The following PRKCB variants were observed in gnomAD, a reference collection of about 807,000 sequenced individuals.
PRKCB encodes protein kinase C beta.
In PRKCB, 13 loss-of-function variants were observed where a neutral mutation model predicts 81.5. The ratio of observed to expected loss-of-function variants is 0.16; its 90% confidence interval spans 0.10 to 0.25. The LOEUF is 0.25. PRKCB is among the 10% of genes least tolerant of loss of function. PRKCB has a pLI of 1.00. For synonymous variants in PRKCB, 335 were observed against 321.4 expected, an observed-to-expected ratio of 1.04 and a Z score of -0.45; for missense variants, 509 against 875.7, an observed-to-expected ratio of 0.58 and a Z score of 5.29.
At chr16:23,938,885 A>T (rs369990765) in intron 2 of PRKCB, among the ~76,000 whole-genome samples, 4 of 152,242 alleles carry the variant, frequency 2.6e-5, no homozygotes, top group Non-Finnish European at 5.9e-5. Context: ...CAAAAAAGAA[A>T]GAAAGAAAGA....
At chr16:23,919,810 C>T (rs1963798595) in intron 2 of PRKCB, among the ~76,000 whole-genome samples, 1 of 152,154 alleles carries the variant, frequency 6.6e-6, no homozygotes, top group Non-Finnish European at 1.5e-5. Context: ...AAGGTTGATC[C>T]ACATTGTTGC....
intron 7 of PRKCB, among the ~76,000 whole-genome samples, chr16:24,106,312 T>A (rs1315929673): frequency 6.6e-6 from 1 of 152,174 alleles, no homozygotes; most frequent in Non-Finnish European, 1.5e-5. Context: ...AGGTGCCCAA[T>A]GTCTGCTAAA....
chr16:24,120,951 C>T (rs777419284), intron 8 of PRKCB, among the ~76,000 whole-genome samples: 3 of 152,148 alleles, frequency 2.0e-5, no homozygotes, highest in South Asian at 2.1e-4. Context: ...ACTCAGCCCA[C>T]GTGCTGGGGG....
intron 2 of PRKCB, among the ~76,000 whole-genome samples, chr16:23,887,063 CTTCT>C (rs1223935063): frequency 6.6e-6 from 1 of 151,898 alleles, no homozygotes; most frequent in Admixed American, 6.6e-5. Context: ...TCTTTCTTTC[CTTCT>C]TTCTTTCTCT....
intron 2 of PRKCB, among the ~76,000 whole-genome samples, chr16:23,901,459 C>T (rs1963471050): frequency 6.6e-6 from 1 of 152,096 alleles, no homozygotes. Context: ...GTGTTTTTAT[C>T]AGCAGGAAAC....
chr16:24,128,531 A>G (rs1966848514), intron 9 of PRKCB, among the ~76,000 whole-genome samples: 1 of 152,242 alleles, frequency 6.6e-6, no homozygotes, highest in East Asian at 1.9e-4. Flanking sequence ...AAATCTTTCA[A>G]AAGAAGAAAA....
chr16:24,063,452 G>C (rs1193828995), intron 5 of PRKCB, among the ~76,000 whole-genome samples: 1 of 151,954 alleles, frequency 6.6e-6, no homozygotes, highest in Non-Finnish European at 1.5e-5. Context: ...GTGCCACCAT[G>C]TCTGCCTAAT....
intron 2 of PRKCB, among the ~76,000 whole-genome samples, chr16:23,906,825 G>A (rs770552637): frequency 1.3e-5 from 2 of 152,140 alleles, no homozygotes; most frequent in African/African-American, 4.8e-5. Context: ...TTGTGGAGGA[G>A]GGATTTTATA....
At chr16:24,180,963 G>A (rs1236160753) in intron 13 of PRKCB, 35 bp downstream of exon 13, 1 of 1,608,468 alleles carries the variant, frequency 6.2e-7, no homozygotes, top group Non-Finnish European at 8.5e-7. Flanking sequence ...ACATTGCGGT[G>A]ATGTACCCTC....
chr16:24,181,166 A>G (rs1236760342), intron 13 of PRKCB, among the ~76,000 whole-genome samples: 1 of 152,184 alleles, frequency 6.6e-6, no homozygotes, highest in African/African-American at 2.4e-5. Context: ...TAAAACCCAA[A>G]AGAACCATCC....
intron 4 of PRKCB, 79 bp from the exon 5 acceptor site, chr16:24,035,340 G>T: frequency 6.5e-7 from 1 of 1,536,412 alleles, no homozygotes; most frequent in Non-Finnish European, 8.8e-7. Context: ...GAAGGGCTCA[G>T]CGGTCTTGGG....
intron 12 of PRKCB, among the ~76,000 whole-genome samples, chr16:24,177,123 A>G (rs1967547402): frequency 6.6e-6 from 1 of 152,152 alleles, no homozygotes; most frequent in Admixed American, 6.5e-5. Flanking sequence ...TGGAACTACA[A>G]GTTTATTGGA....
At chr16:23,863,345 T>C (rs1354402498) in intron 2 of PRKCB, among the ~76,000 whole-genome samples, 1 of 151,642 alleles carries the variant, frequency 6.6e-6, no homozygotes, top group Non-Finnish European at 1.5e-5. Flanking sequence ...CCCTACTCTG[T>C]CTATGGAGTA....
At chr16:23,905,782 C>G (rs1481533184) in intron 2 of PRKCB, among the ~76,000 whole-genome samples, 3 of 152,138 alleles carry the variant, frequency 2.0e-5, no homozygotes, top group African/African-American at 7.2e-5. Context: ...GAGTGATTGA[C>G]TCTGTACCCA....
intron 9 of PRKCB, among the ~76,000 whole-genome samples, chr16:24,133,689 A>G (rs1421011735): frequency 6.6e-6 from 1 of 152,192 alleles, no homozygotes; most frequent in Admixed American, 6.5e-5. Flanking sequence ...ATTTGCATGC[A>G]TTATATCATA....
At chr16:24,036,876 A>G (rs1214983929) in intron 5 of PRKCB, among the ~76,000 whole-genome samples, 1 of 152,168 alleles carries the variant, frequency 6.6e-6, no homozygotes, top group Non-Finnish European at 1.5e-5. Flanking sequence ...TCTGTGGGAA[A>G]TACACTCGTT....
At chr16:23,879,438 T>G (rs1276207700) in intron 2 of PRKCB, among the ~76,000 whole-genome samples, 1 of 151,156 alleles carries the variant, frequency 6.6e-6, no homozygotes, top group African/African-American at 2.4e-5. Flanking sequence ...ACAGATGTCA[T>G]AGTAATCTGG....
At chr16:23,879,870 C>T (rs375919785) in intron 2 of PRKCB, among the ~76,000 whole-genome samples, 3 of 152,140 alleles carry the variant, frequency 2.0e-5, no homozygotes, top group African/African-American at 4.8e-5. Context: ...TTCCTGAGTT[C>T]GAATCCTAGC....
chr16:24,101,884 A>G (rs1966513263), intron 7 of PRKCB, among the ~76,000 whole-genome samples: 1 of 152,242 alleles, frequency 6.6e-6, no homozygotes, highest in East Asian at 1.9e-4. Context: ...ATATTACTGC[A>G]TTTACACTTA....
Sources: allele counts gnomAD v4.1 joint callset (sites outside exome capture counted in the v4.1 genomes callset), GRCh38; gene constraint gnomAD v4.1.1; transcripts MANE v1.5; gene names NCBI Gene and HGNC (gene_info 2026-07-23, HGNC 2026-07-21).